The following EIF4G3 variants were observed in gnomAD, a reference collection of about 807,000 sequenced individuals.
The protein encoded by EIF4G3 is eukaryotic translation initiation factor 4 gamma 3.
EIF4G3 carries 34 observed loss-of-function variants against 186.4 expected under a neutral mutation model. That is an observed-to-expected ratio of 0.18 (90% CI 0.14 to 0.24). The LOEUF (loss-of-function observed/expected upper bound fraction) is 0.24, where lower values mean the gene tolerates loss of function less well. EIF4G3 is among the 10% of genes least tolerant of loss of function. The pLI, the probability that EIF4G3 is intolerant of heterozygous loss-of-function variation, is 1.00. For missense variants in EIF4G3, 1,536 were observed against 1,948.5 expected (o/e 0.79, Z 3.99); for synonymous variants, 673 against 679.5 (o/e 0.99, Z 0.15).
rs140318732 is a variant in EIF4G3 at position 20,972,459 on chromosome 1, T to A, written c.591+543A>T. 4.2e-4 allele frequency among the ~76,000 whole-genome samples: 64 copies of A among 151,930 alleles called. 1 individual carries two copies. Among genetic ancestry groups the A allele is most frequent in the African/African-American group, 1.4e-3 (56 of 41,432 alleles). ...GATCACCCTGGGCAACATGGCGAAA[T>A]CCCACCTCTACTAAAATACAAAAAA... On this transcript the variant is annotated intron_variant, in intron 11 of 36. Transcript: ENST00000602326.
At chr1:20,925,042 G>C (rs576268743) in intron 14 of EIF4G3, among the ~76,000 whole-genome samples, 4 of 152,296 alleles carry the variant, frequency 2.6e-5, no homozygotes, top group African/African-American at 9.6e-5. Flanking sequence ...TCTCCCCAGA[G>C]AAAATCATTA....
At chr1:20,814,109 C>T (rs192190611) in intron 34 of EIF4G3, among the ~76,000 whole-genome samples, 16 of 151,614 alleles carry the variant, frequency 1.1e-4, no homozygotes, top group Non-Finnish European at 8.8e-5. Context: ...CTCAGCCTCC[C>T]GAGTAGCTGG....
chr1:21,145,250 A>C (rs1201491699), intron 2 of EIF4G3, among the ~76,000 whole-genome samples: 2 of 152,172 alleles, frequency 1.3e-5, no homozygotes, highest in Non-Finnish European at 2.9e-5. Context: ...CCAAGTTCCA[A>C]AATGTTACAT....
At position 20,981,740 on chromosome 1, in the gene EIF4G3, A is replaced by G. The variant is rs188545177; in HGVS notation, c.199-513T>C. Among the ~76,000 whole-genome samples, 8 of 141,962 alleles carry G rather than the reference A, an allele frequency of 5.6e-5. 1 individual carries two copies. Among genetic ancestry groups the G allele is most frequent in the East Asian group, 2.0e-4 (1 of 5,074 alleles). The allele number at this position is 141,962 out of a possible 152,430, so 93.1% of individuals were successfully genotyped here. ...ATACATGTATACGCACATACTGTAT[A>G]TACACATACATATATGTATACACAC... On this transcript the variant is annotated intron_variant, in intron 8 of 36. Transcript: ENST00000602326.
chr1:20,979,090 C>G (rs1052040374), intron 10 of EIF4G3, among the ~76,000 whole-genome samples: 5 of 152,128 alleles, frequency 3.3e-5, no homozygotes, highest in African/African-American at 1.2e-4. Context: ...AATCTCAAAA[C>G]TTAATTTTTC....
At chr1:21,010,859 G>A (rs925679199) in intron 4 of EIF4G3, among the ~76,000 whole-genome samples, 4 of 152,186 alleles carry the variant, frequency 2.6e-5, no homozygotes, top group African/African-American at 9.7e-5. Flanking sequence ...TTCCTACACA[G>A]TCTTAAGCAT....
chr1:21,079,862 C>CAGGCA (rs1350997932), intron 3 of EIF4G3, among the ~76,000 whole-genome samples: 2 of 151,698 alleles, frequency 1.3e-5, no homozygotes, highest in African/African-American at 4.8e-5. Context: ...AAAAATTAGC[C>CAGGCA]AGGCATGGCC....
rs756345271 is a variant in EIF4G3 at position 21,176,851 on chromosome 1, A to G, written c.-585T>C. The G allele has an allele frequency of 4.3e-6, 3 of 701,148 alleles. No individual in the cohort carries two copies. Among genetic ancestry groups the G allele is most frequent in the Non-Finnish European group, 7.8e-6 (3 of 383,838 alleles). The allele number at this position is 701,148 out of a possible 1,614,324, so 43.4% of individuals were successfully genotyped here. A position where few individuals can be genotyped will look rare whatever the true frequency, so the allele number is the denominator to read the frequency against. ...ATTTTCTTCACTCAACGAGCAGAGC[A>G]TCCAACATGGCGCTGTGGCCGCCTC... On this transcript the variant is annotated 5_prime_UTR_variant, in exon 1 of 37. It removes an upstream start codon present in the reference 5' UTR. Transcript: ENST00000602326.
At chr1:21,022,392 C>G (rs1464114452) in intron 4 of EIF4G3, among the ~76,000 whole-genome samples, 1 of 152,186 alleles carries the variant, frequency 6.6e-6, no homozygotes, top group Non-Finnish European at 1.5e-5. Flanking sequence ...TGTAATGTGA[C>G]TCCCGTAGTA....
chr1:21,114,376 G>A (rs1053702344), intron 2 of EIF4G3, among the ~76,000 whole-genome samples: 3 of 151,996 alleles, frequency 2.0e-5, no homozygotes, highest in Admixed American at 6.6e-5. Context: ...CGATCCACCC[G>A]CCTCGGCCTC....
intron 2 of EIF4G3, among the ~76,000 whole-genome samples, chr1:21,162,685 T>C (rs766004556): frequency 8.6e-5 from 13 of 151,954 alleles, no homozygotes; most frequent in Admixed American, 5.3e-4. Flanking sequence ...GAGGCAGAGG[T>C]TGCAGTGAGC....
chr1:20,984,011 TTACATCTTATTCAATGAGG>T, intron 7 of EIF4G3, among the ~76,000 whole-genome samples: 1 of 152,206 alleles, frequency 6.6e-6, no homozygotes, highest in South Asian at 2.1e-4. Context: ...ATAACTGAGG[TTACATCTTATTCAATGAGG>T]TTTCTGAACA....
At chr1:21,080,348 A>G (rs1223445996) in intron 3 of EIF4G3, among the ~76,000 whole-genome samples, 1 of 151,808 alleles carries the variant, frequency 6.6e-6, no homozygotes, top group African/African-American at 2.4e-5. Context: ...AAAGAAGAAA[A>G]TAAATTTTAT....
Position 20,879,604 on chromosome 1 carries a change from T to C in EIF4G3, c.2425-84A>G, listed in dbSNP as rs954567924. The stretch of plus-strand genomic sequence containing the variant: ...CTGTAATGATTAATTTTAAAAATAA[T>C]ATATAAGTTCAACTTCTCAAATTAT... On this transcript the variant is annotated intron_variant, in intron 19 of 36. Transcript: ENST00000602326. The C allele has an allele frequency of 2.1e-5, 17 of 826,122 alleles. No individual in the cohort carries two copies. In the East Asian group the frequency reaches 5.0e-4, roughly 24 times the overall value. The allele number at this position is 826,122 out of a possible 1,614,324, so 51.2% of individuals were successfully genotyped here. A position where few individuals can be genotyped will look rare whatever the true frequency, so the allele number is the denominator to read the frequency against.
intron 4 of EIF4G3, 105 bp from the exon 5 acceptor site, chr1:21,002,913 G>T: frequency 1.7e-6 from 1 of 587,240 alleles, no homozygotes; most frequent in Non-Finnish European, 2.9e-6. Context: ...TATTAATGTG[G>T]TTTATATTCT....
chr1:21,161,934 CT>C (rs1467573912), intron 2 of EIF4G3: 7 of 151,264 alleles, frequency 4.6e-5, no homozygotes, highest in Admixed American at 2.0e-4. Flanking sequence ...CACCATTGCA[CT>C]GCAGCCTGGC....
chr1:20,838,744 G>A (rs1325864224), intron 30 of EIF4G3, among the ~76,000 whole-genome samples: 1 of 151,980 alleles, frequency 6.6e-6, no homozygotes, highest in Non-Finnish European at 1.5e-5. Context: ...GCAGTGGTGT[G>A]ATCATGGCTT....
chr1:21,147,567 G>A (rs538600444), intron 2 of EIF4G3, among the ~76,000 whole-genome samples: 14 of 151,976 alleles, frequency 9.2e-5, no homozygotes, highest in Non-Finnish European at 1.8e-4. Flanking sequence ...TCCTGACCTC[G>A]TGATCTGCCC....
At chr1:21,010,431 A>T (rs921145001) in intron 4 of EIF4G3, among the ~76,000 whole-genome samples, 1 of 130,876 alleles carries the variant, frequency 7.6e-6, no homozygotes, top group Non-Finnish European at 1.7e-5. Context: ...AAAAAAAAAA[A>T]AAAAAAGAAA....
Sources: allele counts gnomAD v4.1 joint callset (sites outside exome capture counted in the v4.1 genomes callset), GRCh38; gene constraint gnomAD v4.1.1; transcripts MANE v1.5; gene names NCBI Gene and HGNC (gene_info 2026-07-23, HGNC 2026-07-21).